CYP39A1: variants seen among roughly 807,000 people sequenced by gnomAD.
CYP39A1 encodes the protein cytochrome P450 family 39 subfamily A member 1, also known as 24-hydroxycholesterol 7-alpha-hydroxylase.
Under a neutral mutation model 58.1 loss-of-function variants are expected in CYP39A1, and 49 were observed. That is an observed-to-expected ratio of 0.84 (90% confidence interval 0.67 to 1.07). CYP39A1 has a LOEUF of 1.07. Ranked by LOEUF, CYP39A1 falls within the 50% of genes least tolerant of loss-of-function variation. CYP39A1 has a pLI of 0.00. For synonymous variants in CYP39A1, 209 were observed against 187.6 expected (o/e 1.11, Z -0.93); for missense variants, 531 against 539.4 (o/e 0.98, Z 0.16).
chr6:46,596,824 GT>G (rs1212434091), intron 7 of CYP39A1, among the ~76,000 whole-genome samples: 1 of 152,090 alleles, frequency 6.6e-6, no homozygotes, highest in South Asian at 2.1e-4. Flanking sequence ...AAATTAGACA[GT>G]TTAGTTAACA....
intron 8 of CYP39A1, among the ~76,000 whole-genome samples, chr6:46,594,937 C>T (rs1773055179): frequency 6.6e-6 from 1 of 151,622 alleles, no homozygotes; most frequent in Admixed American, 6.6e-5. Flanking sequence ...CCAAAATATA[C>T]AAGAAACTTA....
chr6:46,627,418 A>AT (rs1775382184), intron 6 of CYP39A1, among the ~76,000 whole-genome samples: 2 of 100,988 alleles, frequency 2.0e-5, no homozygotes, highest in African/African-American at 3.7e-5. Flanking sequence ...ACTTTTATTT[A>AT]TTTATTTTTT....
intron 1 of CYP39A1, among the ~76,000 whole-genome samples, chr6:46,647,997 T>C (rs1024043302): frequency 1.3e-5 from 2 of 152,164 alleles, no homozygotes; most frequent in African/African-American, 4.8e-5. Context: ...GCGATCATTA[T>C]AAAGTCAGGA....
Position 46,648,871 on chromosome 6 carries a change from G to A in CYP39A1, c.177+3535C>T, listed in dbSNP as rs890756695. ...AACAAATAGATACTTGTAGATAGCTGCAGATTGTCTATACTATTACATGTT... is the reference window on the plus strand; with the variant it reads ...AACAAATAGATACTTGTAGATAGCTACAGATTGTCTATACTATTACATGTT... On this transcript the variant is annotated intron_variant, in intron 1 of 11. Transcript: ENST00000275016. Among the ~76,000 whole-genome samples, 6 of 151,902 alleles carry A rather than the reference G, an allele frequency of 3.9e-5. 1 individual carries two copies. In the South Asian group the frequency reaches 1.2e-3, roughly 32 times the overall value.
Position 46,596,206 on chromosome 6 carries a change from T to C in CYP39A1, c.932-86A>G, listed in dbSNP as rs575413490. 2.3e-5 allele frequency: 23 copies of C among 1,021,428 alleles called. No homozygotes were observed. In the African/African-American group the frequency reaches 3.7e-4, roughly 16 times the overall value. The allele number at this position is 1,021,428 out of a possible 1,614,324, so 63.3% of individuals were successfully genotyped here. ...TAAGCTCATCAGCAGAGGTTAGATG[T>C]TGCCTCTGACAGCAAGTAAAGTGTT... On this transcript the variant is annotated intron_variant, in intron 7 of 11. Coordinates refer to ENST00000275016, the MANE Select transcript of CYP39A1 (RefSeq NM_016593.5).
chr6:46,566,035 C>T (rs1534357), intron 10 of CYP39A1, among the ~76,000 whole-genome samples: 1 of 152,060 alleles, frequency 6.6e-6, no homozygotes, highest in African/African-American at 2.4e-5. Context: ...GCAGATGGGA[C>T]AGCAAGAATG....
chr6:46,588,134 AAC>A lies in CYP39A1; in HGVS notation c.1066-7_1066-6del, dbSNP rs759013619. 1.9e-6 allele frequency: 3 copies of A among 1,556,292 alleles called. No homozygotes were observed. The highest frequency in any genetic ancestry group is 2.6e-6 in the Non-Finnish European group (3 of 1,146,302). On this transcript the variant is annotated splice_polypyrimidine_tract_variant and splice_region_variant and intron_variant, in intron 8 of 11. Coordinates refer to ENST00000275016, the MANE Select transcript of CYP39A1 (RefSeq NM_016593.5). ...ACCAGAAGGAATGATGTAATTCTAT[AAC>A]AGAAAAATCAGCTGCAAATCATTTT...
chr6:46,578,905 T>C (rs1771980647), intron 10 of CYP39A1, among the ~76,000 whole-genome samples: 1 of 152,050 alleles, frequency 6.6e-6, no homozygotes, highest in Admixed American at 6.6e-5. Flanking sequence ...TTGAAATTAT[T>C]GGTACTGAAA....
intron 10 of CYP39A1, among the ~76,000 whole-genome samples, chr6:46,578,596 A>G (rs912060662): frequency 5.9e-5 from 9 of 152,132 alleles, no homozygotes; most frequent in African/African-American, 2.2e-4. Flanking sequence ...ATCAGAAATG[A>G]CAAAGGGGAT....
chr6:46,608,839 C>T (rs1297331764), intron 7 of CYP39A1, among the ~76,000 whole-genome samples: 2 of 151,854 alleles, frequency 1.3e-5, no homozygotes, highest in Admixed American at 1.3e-4. Context: ...GTCTCGAACT[C>T]CTGACCTCAG....
chr6:46,607,336 AAATTAATCACAAAAAT>A (rs997446315), intron 7 of CYP39A1, among the ~76,000 whole-genome samples: 1 of 151,992 alleles, frequency 6.6e-6, no homozygotes, highest in Non-Finnish European at 1.5e-5. Context: ...TTAAATTCCA[AAATTAATCACAAAAAT>A]TTCTTGGGCT....
chr6:46,611,361 G>A (rs922956035), intron 7 of CYP39A1, among the ~76,000 whole-genome samples: 2 of 152,202 alleles, frequency 1.3e-5, no homozygotes, highest in African/African-American at 2.4e-5. Flanking sequence ...AATGGAGTGC[G>A]AAAGATATGA....
chr6:46,629,005 T>A (rs1168956889), intron 6 of CYP39A1, among the ~76,000 whole-genome samples: 2 of 152,144 alleles, frequency 1.3e-5, no homozygotes, highest in Non-Finnish European at 2.9e-5. Context: ...AATCCCATTT[T>A]ACAGATAAGG....
At chr6:46,650,900 C>G (rs917452549) in intron 1 of CYP39A1, among the ~76,000 whole-genome samples, 1 of 152,042 alleles carries the variant, frequency 6.6e-6, no homozygotes, top group African/African-American at 2.4e-5. Context: ...AAAACAGTTC[C>G]TTAAAAATTA....
chr6:46,577,834 G>A (rs560374721), intron 10 of CYP39A1, among the ~76,000 whole-genome samples: 40 of 152,224 alleles, frequency 2.6e-4, no homozygotes, highest in Non-Finnish European at 4.6e-4. Flanking sequence ...AATAGTGGGA[G>A]ACTTTAACAA....
intron 10 of CYP39A1, among the ~76,000 whole-genome samples, chr6:46,563,065 T>C (rs1771066894): frequency 6.6e-6 from 1 of 151,810 alleles, no homozygotes; most frequent in South Asian, 2.1e-4. Context: ...ATTTGGATAT[T>C]CTAATAGAAT....
chr6:46,609,385 C>G (rs1240418198), intron 7 of CYP39A1, among the ~76,000 whole-genome samples: 1 of 150,674 alleles, frequency 6.6e-6, no homozygotes, highest in Non-Finnish European at 1.5e-5. Context: ...CCACTGCACT[C>G]CAGCCTGGGC....
intron 10 of CYP39A1, among the ~76,000 whole-genome samples, chr6:46,571,198 T>C (rs1378002667): frequency 6.6e-6 from 1 of 152,162 alleles, no homozygotes; most frequent in Non-Finnish European, 1.5e-5. Flanking sequence ...TATATGCTGC[T>C]GCTGTTGGAT....
chr6:46,617,251 A>G (rs1243491041), intron 7 of CYP39A1, among the ~76,000 whole-genome samples: 2 of 152,180 alleles, frequency 1.3e-5, no homozygotes, highest in Non-Finnish European at 2.9e-5. Flanking sequence ...GTTTTTCTCT[A>G]ATCTATAAGT....
Sources: allele counts gnomAD v4.1 joint callset (sites outside exome capture counted in the v4.1 genomes callset), GRCh38; gene constraint gnomAD v4.1.1; transcripts MANE v1.5; gene names NCBI Gene and HGNC (gene_info 2026-07-23, HGNC 2026-07-21).